The following FAM228B variants were observed in gnomAD, a reference collection of about 807,000 sequenced individuals.
FAM228B encodes the protein family with sequence similarity 228 member B, also known as protein FAM228B.
In FAM228B, 38 loss-of-function variants were observed where a neutral mutation model predicts 42.6. The observed-to-expected ratio is 0.89, with a 90% confidence interval of 0.69 to 1.17. The LOEUF (loss-of-function observed/expected upper bound fraction) is 1.17. Ranked by LOEUF, FAM228B falls within the 50% of genes most tolerant of loss-of-function variation. The probability of loss-of-function intolerance (pLI) is 0.00; values close to 1 mark genes in which losing one functional copy is unlikely to be tolerated. For synonymous variants in FAM228B, 109 were observed against 122.3 expected (o/e 0.89, Z 0.72); for missense variants, 344 against 367.3 (o/e 0.94, Z 0.52).
At chr2:24,082,480 A>G (rs1195248375) in intron 2 of FAM228B, among the ~76,000 whole-genome samples, 1 of 152,188 alleles carries the variant, frequency 6.6e-6, no homozygotes, top group Non-Finnish European at 1.5e-5. Flanking sequence ...TCTCAGTTAC[A>G]CTGCACTGTC....
chr2:24,153,145 C>T (rs970955665), intron 7 of FAM228B, among the ~76,000 whole-genome samples: 11 of 152,126 alleles, frequency 7.2e-5, no homozygotes, highest in Admixed American at 3.9e-4. Context: ...GAGCCCAGGC[C>T]CAGACTCAGG....
intron 2 of FAM228B, 135 bp downstream of exon 2, chr2:24,124,595 C>T (rs1303494207): frequency 3.4e-6 from 2 of 585,130 alleles, no homozygotes; most frequent in Admixed American, 3.6e-5. Flanking sequence ...CTTCACTTTA[C>T]TAACTTTGTA....
chr2:24,124,169 A>G, intron 1 of FAM228B, 161 bp from the exon 2 acceptor site: 1 of 476,060 alleles, frequency 2.1e-6, no homozygotes, highest in East Asian at 3.4e-5. Context: ...CTGGCTCTGA[A>G]GCCGTCATCT....
upstream of FAM228B, among the ~76,000 whole-genome samples, chr2:24,119,180 C>G (rs1386340392): frequency 6.6e-6 from 1 of 152,258 alleles, no homozygotes; most frequent in East Asian, 1.9e-4. Context: ...TGTCTCCCCC[C>G]TCCCCTATCC....
intron 3 of FAM228B, among the ~76,000 whole-genome samples, chr2:24,105,191 C>T (rs148629346): frequency 1.2e-4 from 19 of 152,342 alleles, no homozygotes; most frequent in African/African-American, 4.6e-4. Context: ...CGTGTTTCCC[C>T]AGGAAGCACA....
chr2:24,143,678 A>G (rs939302112), intron 5 of FAM228B, among the ~76,000 whole-genome samples: 5 of 152,136 alleles, frequency 3.3e-5, no homozygotes, highest in African/African-American at 1.2e-4. Context: ...TTTTTGTTTC[A>G]GGAAATAGAG....
At chr2:24,119,557 G>A (rs750502037), upstream of FAM228B, 5 of 1,585,328 alleles carry the variant, frequency 3.2e-6, no homozygotes, top group East Asian at 8.9e-5. Context: ...ATGAAGACAG[G>A]AACTAGGAGG....
intron 3 of FAM228B, among the ~76,000 whole-genome samples, chr2:24,111,769 C>T (rs1302039760): frequency 6.6e-6 from 1 of 152,114 alleles, no homozygotes; most frequent in Non-Finnish European, 1.5e-5. Flanking sequence ...CTCTCATCCT[C>T]ACCCACTGGG....
intron 1 of FAM228B, among the ~76,000 whole-genome samples, chr2:24,078,162 C>T (rs1028972980): frequency 6.6e-6 from 1 of 152,146 alleles, no homozygotes; most frequent in Non-Finnish European, 1.5e-5. Flanking sequence ...GGAAGTAACC[C>T]TTATCTTCCA....
intron 9 of FAM228B, 72 bp from the exon 10 acceptor site, chr2:24,167,555 G>A: frequency 1.3e-6 from 2 of 1,541,384 alleles, no homozygotes; most frequent in South Asian, 1.2e-5. Flanking sequence ...TGGTTATGAA[G>A]ACAGTCTGTT....
intron 7 of FAM228B, among the ~76,000 whole-genome samples, chr2:24,157,584 A>G (rs1667177465): frequency 6.6e-6 from 1 of 152,022 alleles, no homozygotes; most frequent in African/African-American, 2.4e-5. Flanking sequence ...CTAAAAATAC[A>G]AAAAATAGCC....
At chr2:24,166,510 G>GCTTT (rs1667418965) in intron 9 of FAM228B, 2 of 152,034 alleles carry the variant, frequency 1.3e-5, no homozygotes, top group Admixed American at 6.6e-5. Context: ...TTGCTTGCTT[G>GCTTT]CTTCCTCAAA....
upstream of FAM228B, chr2:24,122,429 G>C (rs778667355): frequency 2.5e-6 from 4 of 1,611,004 alleles, no homozygotes; most frequent in South Asian, 2.2e-5. Context: ...ATTGAAACCT[G>C]GTGATGCTAC....
Position 24,161,543 on chromosome 2 carries a change from G to T in FAM228B, c.724G>T (p.Asp242Tyr). 1 of 1,548,144 alleles carries T rather than the reference G, an allele frequency of 6.5e-7. No individual in the cohort carries two copies. The highest frequency in any genetic ancestry group is 8.7e-7 in the Non-Finnish European group (1 of 1,143,776). ...VKVNFNDCSF[D>Y]LKPLARAPYL... ...AGTGAATTTTAATGACTGTAGTTTT[G>T]ATTTGAAACCTTTGGCAAGAGCTCC... Residue 242 changes from aspartate (D) to tyrosine (Y), a missense_variant, in exon 8 of 11, where the codon GAT becomes TAT. Transcript: ENST00000615575.
intron 5 of FAM228B, among the ~76,000 whole-genome samples, chr2:24,145,064 G>A (rs533092611): frequency 2.0e-5 from 3 of 152,294 alleles, no homozygotes; most frequent in African/African-American, 7.2e-5. Flanking sequence ...CACTGCTACT[G>A]CCATTGCCCA....
intron 2 of FAM228B, among the ~76,000 whole-genome samples, chr2:24,088,559 C>G (rs145423472): frequency 5.9e-5 from 9 of 152,286 alleles, no homozygotes; most frequent in Admixed American, 5.2e-4. Flanking sequence ...CCATGTTGGC[C>G]AGGCTGGTCT....
chr2:24,115,437 G>A (rs1665882327), intron 3 of FAM228B: 4 of 650,784 alleles, frequency 6.1e-6, no homozygotes, highest in Non-Finnish European at 1.1e-5. Flanking sequence ...GAGGATCTCT[G>A]GAAGTAATAA....
intron 2 of FAM228B, among the ~76,000 whole-genome samples, chr2:24,081,884 A>G (rs1195141286): frequency 6.6e-6 from 1 of 151,890 alleles, no homozygotes; most frequent in Admixed American, 6.6e-5. Flanking sequence ...TTTAGTAGAG[A>G]TGAAGTTTCA....
intron 7 of FAM228B, among the ~76,000 whole-genome samples, chr2:24,157,575 T>C (rs1164113593): frequency 2.0e-5 from 3 of 151,810 alleles, no homozygotes; most frequent in African/African-American, 7.3e-5. Context: ...CAGTCTCTAC[T>C]AAAAATACAA....
Sources: allele counts gnomAD v4.1 joint callset (sites outside exome capture counted in the v4.1 genomes callset), GRCh38; gene constraint gnomAD v4.1.1; transcripts MANE v1.5; gene names NCBI Gene and HGNC (gene_info 2026-07-23, HGNC 2026-07-21).